The following MAPK10 variants were observed in gnomAD, a reference collection of about 807,000 sequenced individuals.
MAPK10 encodes the protein JNK3 alpha protein kinase.
In MAPK10, 25 loss-of-function variants were observed where a neutral mutation model predicts 59.3. The ratio of observed to expected loss-of-function variants is 0.42; its 90% CI spans 0.31 to 0.59. The LOEUF (loss-of-function observed/expected upper bound fraction) is 0.59, where lower values mean the gene tolerates loss of function less well. Ranked by LOEUF, MAPK10 falls within the 20% of genes least tolerant of loss-of-function variation. The probability of loss-of-function intolerance (pLI) is 0.15; values close to 1 mark genes in which losing one functional copy is unlikely to be tolerated. For missense variants in MAPK10, 351 were observed against 568.9 expected, an observed-to-expected ratio of 0.62 and a Z score of 3.90; for synonymous variants, 190 against 200.5, an observed-to-expected ratio of 0.95 and a Z score of 0.44.
intron 13 of MAPK10, chr4:86,026,488 T>C (rs1427200228): frequency 6.6e-6 from 1 of 152,226 alleles, no homozygotes; most frequent in Admixed American, 6.5e-5. Context: ...TATCTCTTAT[T>C]GACATACAAC....
chr4:86,366,164 T>C (rs1416656913), intron 1 of MAPK10, among the ~76,000 whole-genome samples: 1 of 152,126 alleles, frequency 6.6e-6, no homozygotes, highest in African/African-American at 2.4e-5. Context: ...TATATATATA[T>C]GTTTACATGA....
In MAPK10 at chr4:86,529,964, AT is replaced by A. The variant is rs529052308; in HGVS notation, c.-263+63945del. On this transcript the variant is annotated intron_variant, in intron 1 of 4. Transcript: ENST00000502302. Reference sequence around the variant, plus strand: ...ACAAGTTTAGTTTTAAATAATTAGAATTTTTTTTTAATATTGGCTCTCAAAC... The same window carrying A: ...ACAAGTTTAGTTTTAAATAATTAGAATTTTTTTTAATATTGGCTCTCAAAC... Among the ~76,000 whole-genome samples, 442 of 151,332 alleles carry A rather than the reference AT, an allele frequency of 2.9e-3. 3 individuals carry two copies. The highest frequency in any genetic ancestry group is 8.8e-3 in the Admixed American group (134 of 15,188).
At chr4:86,427,053 C>G (rs779423003) in intron 1 of MAPK10, among the ~76,000 whole-genome samples, 2 of 151,648 alleles carry the variant, frequency 1.3e-5, no homozygotes, top group Non-Finnish European at 2.9e-5. Context: ...GTCAAGAGAT[C>G]GAGACCATCC....
intron 1 of MAPK10, among the ~76,000 whole-genome samples, chr4:86,534,476 A>G (rs538253031): frequency 6.6e-6 from 1 of 152,316 alleles, no homozygotes; most frequent in Admixed American, 6.5e-5. Flanking sequence ...TTTAATTAAT[A>G]GTGATGTACC....
At chr4:86,071,053 G>A (rs1422206906) in intron 9 of MAPK10, among the ~76,000 whole-genome samples, 2 of 151,554 alleles carry the variant, frequency 1.3e-5, no homozygotes, top group Non-Finnish European at 2.9e-5. Context: ...TCCAGCACCT[G>A]TTGTTTCCTG....
intron 1 of MAPK10, among the ~76,000 whole-genome samples, chr4:86,409,951 G>A (rs1054664821): frequency 1.3e-5 from 2 of 152,150 alleles, no homozygotes; most frequent in Non-Finnish European, 2.9e-5. Flanking sequence ...GAATAGCAGT[G>A]GTGAGGGAAG....
intron 9 of MAPK10, among the ~76,000 whole-genome samples, chr4:86,082,726 C>T (rs2050917158): frequency 6.6e-6 from 1 of 152,138 alleles, no homozygotes; most frequent in Non-Finnish European, 1.5e-5. Context: ...TCTCCAGAAA[C>T]CAACCTTTGA....
intron 2 of MAPK10, among the ~76,000 whole-genome samples, chr4:86,262,428 C>T (rs1463608829): frequency 2.0e-5 from 3 of 152,142 alleles, no homozygotes; most frequent in African/African-American, 7.2e-5. Context: ...AGACTAAGAA[C>T]CTAAAAAGAC....
At chr4:86,102,086 T>G (rs576966502) in intron 6 of MAPK10, 54 bp from the exon 7 acceptor site, 12 of 1,520,640 alleles carry the variant, frequency 7.9e-6, no homozygotes, top group Non-Finnish European at 1.0e-5. Flanking sequence ...TATGAAGTCC[T>G]TTGATTTAGT....
At chr4:86,197,953 T>G (rs867745082) in intron 2 of MAPK10, among the ~76,000 whole-genome samples, 2 of 152,206 alleles carry the variant, frequency 1.3e-5, no homozygotes, top group Middle Eastern at 6.8e-3. Flanking sequence ...CAGACATACA[T>G]GGGAACCTGA....
In MAPK10 at chr4:86,446,535, T is replaced by A. The variant is rs148155113; in HGVS notation, c.-122+6495A>T. Among the ~76,000 whole-genome samples, 324 of 152,206 alleles carry A rather than the reference T, an allele frequency of 2.1e-3. 1 individual carries two copies. The highest frequency in any genetic ancestry group is 7.4e-3 in the African/African-American group (309 of 41,532). On this transcript the variant is annotated intron_variant, in intron 1 of 13. Coordinates refer to the MAPK10 transcript ENST00000361569. ...ATAGCCCCAGTAAATATTTTTATTT[T>A]AAAAAAATGCCACTATAAACATTCA...
intron 1 of MAPK10, among the ~76,000 whole-genome samples, chr4:86,477,774 C>A (rs1238388287): frequency 6.6e-6 from 1 of 152,156 alleles, no homozygotes; most frequent in Non-Finnish European, 1.5e-5. Flanking sequence ...TGGTGCCAAA[C>A]CCGTATACTC....
At chr4:86,153,825 C>G (rs1333374473) in intron 4 of MAPK10, among the ~76,000 whole-genome samples, 2 of 152,118 alleles carry the variant, frequency 1.3e-5, no homozygotes, top group Non-Finnish European at 2.9e-5. Context: ...GCTGGGCCAT[C>G]ACCACCTTAA....
chr4:86,098,487 A>G (rs371702951), intron 9 of MAPK10, 37 bp downstream of exon 9: 19 of 1,610,482 alleles, frequency 1.2e-5, no homozygotes, highest in Non-Finnish European at 1.6e-5. Context: ...GAGAGAGAAC[A>G]AAACAGGTAA....
chr4:86,390,501 C>T (rs1254422061), intron 1 of MAPK10, among the ~76,000 whole-genome samples: 1 of 152,180 alleles, frequency 6.6e-6, no homozygotes, highest in East Asian at 1.9e-4. Context: ...AGGGTAGGGG[C>T]TTCCATGAGA....
At chr4:86,320,731 C>A (rs947766549) in intron 2 of MAPK10, among the ~76,000 whole-genome samples, 2 of 152,208 alleles carry the variant, frequency 1.3e-5, no homozygotes, top group Non-Finnish European at 2.9e-5. Context: ...AAGCCTTGCA[C>A]ATGCCTATGT....
At chr4:86,423,858 G>A (rs1746902591) in intron 1 of MAPK10, among the ~76,000 whole-genome samples, 1 of 149,438 alleles carries the variant, frequency 6.7e-6, no homozygotes, top group South Asian at 2.1e-4. Context: ...GAGAGTCAAT[G>A]TAATTTTGAA....
chr4:86,378,223 A>G (rs911253551), intron 1 of MAPK10, among the ~76,000 whole-genome samples: 1 of 152,128 alleles, frequency 6.6e-6, no homozygotes, highest in African/African-American at 2.4e-5. Context: ...CAGGCCCCAC[A>G]TGCTCCAACT....
intron 11 of MAPK10, among the ~76,000 whole-genome samples, chr4:86,050,757 A>C (rs2043352875): frequency 6.6e-6 from 1 of 152,138 alleles, no homozygotes; most frequent in Non-Finnish European, 1.5e-5. Flanking sequence ...GAATGGTGCA[A>C]GAGGCATGAG....
Sources: allele counts gnomAD v4.1 joint callset (sites outside exome capture counted in the v4.1 genomes callset), GRCh38; gene constraint gnomAD v4.1.1; transcripts MANE v1.5; gene names NCBI Gene and HGNC (gene_info 2026-07-23, HGNC 2026-07-21).